The following DPYD variants were observed in gnomAD, a reference collection of about 807,000 sequenced individuals.
DPYD encodes the protein dihydropyrimidine dehydrogenase [NADP(+)].
DPYD carries 109 observed loss-of-function variants against 116.2 expected under a neutral mutation model. The observed-to-expected ratio is 0.94, with a 90% CI of 0.80 to 1.10. DPYD has a LOEUF of 1.10. Ranked by LOEUF, DPYD falls within the 50% of genes least tolerant of loss-of-function variation. DPYD has a pLI of 0.00. For missense variants in DPYD, 1,302 were observed against 1,254.5 expected (o/e 1.04, Z -0.57); for synonymous variants, 440 against 432.0 (o/e 1.02, Z -0.23).
At chr1:97,374,591 C>T (rs529309585) in intron 15 of DPYD, among the ~76,000 whole-genome samples, 38 of 151,474 alleles carry the variant, frequency 2.5e-4, no homozygotes, top group African/African-American at 8.2e-4. Flanking sequence ...TGGTGGTGGG[C>T]GCCTGTAGTC....
intron 14 of DPYD, among the ~76,000 whole-genome samples, chr1:97,409,357 T>C (rs1673850898): frequency 1.3e-5 from 2 of 152,174 alleles, no homozygotes; most frequent in Admixed American, 6.5e-5. Context: ...TACTGTGTCT[T>C]AGGCAATGTA....
chr1:97,830,447 C>T (rs561122947), intron 2 of DPYD, among the ~76,000 whole-genome samples: 2 of 152,182 alleles, frequency 1.3e-5, no homozygotes, highest in Non-Finnish European at 2.9e-5. Context: ...GGCAGAGTGG[C>T]TCATGCCTGT....
chr1:97,614,997 T>C (rs959076758), intron 8 of DPYD, among the ~76,000 whole-genome samples: 3 of 152,128 alleles, frequency 2.0e-5, no homozygotes. Context: ...GTTTTTCATA[T>C]ATGCCTAAAA....
rs553448649 is a variant in DPYD, at chr1:97,135,382, C to G, written c.2623-36750G>C. Among the ~76,000 whole-genome samples, 6 of 152,244 alleles carry G rather than the reference C, an allele frequency of 3.9e-5. No individual in the cohort carries two copies. In the South Asian group the frequency reaches 1.2e-3, roughly 32 times the overall value. ...ACCTAGACATCCCCTTTTATCAGAC[C>G]ATGAGAGCTATAAAACTCATGAATT... On this transcript the variant is annotated intron_variant, in intron 20 of 22. Transcript: ENST00000370192.
chr1:97,091,499 C>T (rs1273381250), intron 21 of DPYD, among the ~76,000 whole-genome samples: 5 of 152,022 alleles, frequency 3.3e-5, no homozygotes, highest in Non-Finnish European at 7.4e-5. Flanking sequence ...AATAAAAGGA[C>T]AAGAAGCAAT....
At chr1:97,682,342 G>A (rs1660469025) in intron 7 of DPYD, among the ~76,000 whole-genome samples, 1 of 151,804 alleles carries the variant, frequency 6.6e-6, no homozygotes, top group South Asian at 2.1e-4. Flanking sequence ...TCATCACTGG[G>A]CAGCAGATCC....
At chr1:97,767,368 T>C (rs563176607) in intron 3 of DPYD, among the ~76,000 whole-genome samples, 56 of 152,262 alleles carry the variant, frequency 3.7e-4, no homozygotes, top group African/African-American at 1.3e-3. Flanking sequence ...GCTCTTCTTA[T>C]CAAAGGGTAG....
At chr1:97,576,768 G>A (rs535564253) in intron 10 of DPYD, among the ~76,000 whole-genome samples, 6 of 152,194 alleles carry the variant, frequency 3.9e-5, no homozygotes, top group East Asian at 3.9e-4. Flanking sequence ...CCAATTATCC[G>A]ACAGTGCACT....
intron 18 of DPYD, among the ~76,000 whole-genome samples, chr1:97,268,966 C>T (rs1341405373): frequency 6.6e-6 from 1 of 152,076 alleles, no homozygotes; most frequent in Non-Finnish European, 1.5e-5. Flanking sequence ...TGTTCTGTTT[C>T]CCTTTTAATT....
intron 20 of DPYD, among the ~76,000 whole-genome samples, chr1:97,156,130 T>A (rs918554023): frequency 1.3e-5 from 2 of 152,208 alleles, no homozygotes. Context: ...GTTTATATTT[T>A]TAGTGATGGA....
chr1:97,234,766 C>T lies in DPYD; in HGVS notation c.2442+86G>A, dbSNP rs367747399. ...GCCTCCTTTTCAAGAGGCCCAAAAA[C>T]GAATCTATTTTTTTTTTGTCACATA... On this transcript the variant is annotated intron_variant, in intron 19 of 22. Coordinates refer to ENST00000370192, the MANE Select transcript of DPYD (RefSeq NM_000110.4). 1.4e-4 allele frequency: 213 copies of T among 1,559,536 alleles called. 3 individuals carry two copies. In the South Asian group the frequency reaches 2.1e-3, roughly 16 times the overall value.
chr1:97,121,734 G>A (rs974279229), intron 20 of DPYD, among the ~76,000 whole-genome samples: 1 of 152,142 alleles, frequency 6.6e-6, no homozygotes, highest in African/African-American at 2.4e-5. Context: ...CCAAAGGTGG[G>A]CTTATAAACA....
chr1:97,120,610 A>G (rs548607587), intron 20 of DPYD, among the ~76,000 whole-genome samples: 3 of 152,308 alleles, frequency 2.0e-5, no homozygotes, highest in East Asian at 3.9e-4. Context: ...CCACGACTTT[A>G]CCTTGTCAAA....
intron 8 of DPYD, among the ~76,000 whole-genome samples, chr1:97,664,161 T>C (rs1659421995): frequency 6.6e-6 from 1 of 152,128 alleles, no homozygotes; most frequent in African/African-American, 2.4e-5. Context: ...TTATTAAAAT[T>C]ATGAGAATGA....
chr1:97,784,082 A>G (rs1571351112), intron 3 of DPYD, among the ~76,000 whole-genome samples: 1 of 152,186 alleles, frequency 6.6e-6, no homozygotes, highest in Admixed American at 6.5e-5. Flanking sequence ...GATATGAATC[A>G]CATTATCAGC....
At chr1:97,551,618 T>A (rs1307454877) in intron 11 of DPYD, among the ~76,000 whole-genome samples, 1 of 152,146 alleles carries the variant, frequency 6.6e-6, no homozygotes, top group African/African-American at 2.4e-5. Context: ...TTTTTACATT[T>A]ATCTCATGTT....
chr1:97,648,955 T>A (rs1009354631), intron 8 of DPYD, among the ~76,000 whole-genome samples: 28 of 151,974 alleles, frequency 1.8e-4, no homozygotes, highest in African/African-American at 6.8e-4. Context: ...GAATCTAAAT[T>A]CGTATTATAT....
intron 19 of DPYD, among the ~76,000 whole-genome samples, chr1:97,205,820 C>T (rs1659553435): frequency 6.6e-6 from 1 of 152,018 alleles, no homozygotes; most frequent in African/African-American, 2.4e-5. Context: ...GGCTGCTTTG[C>T]CACAGTGTTC....
At chr1:97,184,968 A>C (rs1210337077) in intron 20 of DPYD, among the ~76,000 whole-genome samples, 1 of 152,156 alleles carries the variant, frequency 6.6e-6, no homozygotes, top group Non-Finnish European at 1.5e-5. Context: ...TCTTGATCTT[A>C]AGAGAAAATA....
Sources: allele counts gnomAD v4.1 joint callset (sites outside exome capture counted in the v4.1 genomes callset), GRCh38; gene constraint gnomAD v4.1.1; transcripts MANE v1.5; gene names NCBI Gene and HGNC (gene_info 2026-07-23, HGNC 2026-07-21).